ASB15: variants seen among roughly 807,000 people sequenced by gnomAD.
ASB15 encodes the protein ankyrin repeat and SOCS box containing 15.
In ASB15, 54 loss-of-function variants were observed where a neutral mutation model predicts 58.0. That is an observed-to-expected ratio of 0.93 (90% confidence interval 0.75 to 1.17). The LOEUF (loss-of-function observed/expected upper bound fraction) is 1.17, where lower values mean the gene tolerates loss of function less well. Among genes scored for constraint, ASB15 ranks in the 50% most tolerant of loss-of-function variants. The pLI is 0.00. For synonymous variants in ASB15, 249 were observed against 262.4 expected, an observed-to-expected ratio of 0.95 and a Z score of 0.50; for missense variants, 680 against 707.4, an observed-to-expected ratio of 0.96 and a Z score of 0.44.
intron 1 of ASB15, among the ~76,000 whole-genome samples, chr7:123,591,073 A>G (rs1276340554): frequency 6.6e-6 from 1 of 152,098 alleles, no homozygotes; most frequent in Admixed American, 6.6e-5. Flanking sequence ...TGTAAATGGG[A>G]GTTCACTCAT....
At chr7:123,585,396 G>GACACATT (rs1203639138) in intron 1 of ASB15, among the ~76,000 whole-genome samples, 1 of 151,636 alleles carries the variant, frequency 6.6e-6, no homozygotes, top group Non-Finnish European at 1.5e-5. Flanking sequence ...TCCTCAAACT[G>GACACATT]ACACATTACA....
intron 1 of ASB15, among the ~76,000 whole-genome samples, chr7:123,579,445 T>C (rs1228585696): frequency 6.6e-6 from 1 of 152,168 alleles, no homozygotes; most frequent in Non-Finnish European, 1.5e-5. Context: ...GTTCTATGAA[T>C]TCTTTTGTAT....
chr7:123,612,438 G>A (rs1432612759), intron 3 of ASB15: 1 of 152,210 alleles, frequency 6.6e-6, no homozygotes, highest in Admixed American at 6.5e-5. Flanking sequence ...CAGAATGAAT[G>A]AGTATAAACC....
At chr7:123,616,712 T>C (rs1200519652) in intron 6 of ASB15, among the ~76,000 whole-genome samples, 2 of 152,174 alleles carry the variant, frequency 1.3e-5, no homozygotes, top group Admixed American at 6.5e-5. Flanking sequence ...CTTTTACCTA[T>C]GAATGAGACA....
At chr7:123,625,731 G>T (rs1190812046) in intron 8 of ASB15, among the ~76,000 whole-genome samples, 1 of 152,102 alleles carries the variant, frequency 6.6e-6, no homozygotes, top group African/African-American at 2.4e-5. Context: ...CTCCTAAACT[G>T]GTTGAGCCAC....
intron 2 of ASB15, among the ~76,000 whole-genome samples, chr7:123,605,635 C>T (rs112999520): frequency 2.6e-5 from 4 of 152,134 alleles, no homozygotes; most frequent in Non-Finnish European, 5.9e-5. Context: ...TAATGTTGTA[C>T]GTATACACCA....
At chr7:123,589,303 T>C (rs1474170830) in intron 1 of ASB15, among the ~76,000 whole-genome samples, 1 of 140,488 alleles carries the variant, frequency 7.1e-6, no homozygotes, top group African/African-American at 3.0e-5. Flanking sequence ...TTCATCTCTT[T>C]ATTATTATTA....
chr7:123,617,751 T>A lies in ASB15; in HGVS notation c.451+14T>A. 2 of 1,592,134 alleles carry A rather than the reference T, an allele frequency of 1.3e-6. No individual in the cohort carries two copies. The highest frequency in any genetic ancestry group is 1.7e-6 in the Non-Finnish European group (2 of 1,165,832). The stretch of plus-strand genomic sequence containing the variant: ...CCCTTCTGATTGGTAAATGACCTTT[T>A]TTTCTAGAACTTTTATAGTTTGAAA... On this transcript the variant is annotated intron_variant, in intron 7 of 11. Coordinates refer to ENST00000451215, the MANE Select transcript of ASB15 (RefSeq NM_001290258.2).
intron 8 of ASB15, among the ~76,000 whole-genome samples, chr7:123,626,239 C>T (rs1801767137): frequency 6.6e-6 from 1 of 152,214 alleles, no homozygotes; most frequent in Admixed American, 6.5e-5. Flanking sequence ...CACCATGGCT[C>T]ATGCCTGTAA....
chr7:123,624,754 C>A lies in ASB15; in HGVS notation c.637C>A (p.Pro213Thr). Residue 213 changes from proline (P) to threonine (T), a missense_variant, in exon 8 of 12, where the codon CCA becomes ACA. By Grantham distance (38) the Pro-to-Thr change is conservative. Transcript: ENST00000451215. ...CCTGAGAGATGGATTTGGAGTCACA[C>A]CACTAGGCGTCGCTGCCGAGTATGG... The part of the protein sequence containing the change: ...VHLRDGFGVT[P>T]LGVAAEYGHC... 1 of 1,613,876 alleles carries A rather than the reference C, an allele frequency of 6.2e-7. No homozygotes were observed. The highest frequency in any genetic ancestry group is 8.5e-7 in the Non-Finnish European group (1 of 1,179,760).
exon 1 of ASB15, chr7:123,567,075 T>C (rs939067642): frequency 2.0e-5 from 3 of 152,244 alleles, no homozygotes; most frequent in Non-Finnish European, 2.9e-5. Context: ...TAGAGCTATT[T>C]GATCCTGACT....
rs1584832456 is a variant in ASB15, at chr7:123,637,552, A to C, written c.*571A>C. On this transcript the variant is annotated 3_prime_UTR_variant, in exon 12 of 12. Coordinates refer to ENST00000451215, the MANE Select transcript of ASB15 (RefSeq NM_001290258.2). ...ATATCTCTTTCCTTGTTTCTCGCAA[A>C]ACCTGTTCTCTTGGGTGTCCTCCCA... The C allele has an allele frequency of 6.6e-6, 1 of 152,266 alleles. No individual in the cohort carries two copies. Among genetic ancestry groups the C allele is most frequent in the Non-Finnish European group, 1.5e-5 (1 of 68,264 alleles). The allele number at this position is 152,266 out of a possible 1,614,324, so 9.4% of individuals were successfully genotyped here. A position where few individuals can be genotyped will look rare whatever the true frequency, so the allele number is the denominator to read the frequency against.
chr7:123,592,497 T>C (rs937685407), intron 1 of ASB15, among the ~76,000 whole-genome samples: 11 of 152,216 alleles, frequency 7.2e-5, no homozygotes, highest in African/African-American at 2.4e-4. Context: ...TTTGTTCTCA[T>C]TGATTTCAAA....
chr7:123,611,170 C>A (rs1026221032), intron 3 of ASB15, among the ~76,000 whole-genome samples: 1 of 151,498 alleles, frequency 6.6e-6, no homozygotes, highest in African/African-American at 2.4e-5. Flanking sequence ...TTAAAGATGT[C>A]AAAATATTGT....
Position 123,636,959 on chromosome 7 carries a change from G to A in ASB15, c.1745G>A (p.Gly582Glu). Residue 582 changes from glycine (G) to glutamate (E), a missense_variant, in exon 12 of 12, where the codon GGA (glycine) becomes GAA (glutamate). Transcript: ENST00000451215. ...TTATTTAAAGAGTATGATCTCTATG[G>A]ACAAGAGCTAAAATTGACATAACTT... ...YILFKEYDLY[G>E]QELKLT The A allele has an allele frequency of 6.5e-7, 1 of 1,548,632 alleles. No homozygotes were observed. The highest frequency in any genetic ancestry group is 8.8e-7 in the Non-Finnish European group (1 of 1,133,732).
chr7:123,605,635 C>G (rs112999520), intron 2 of ASB15, among the ~76,000 whole-genome samples: 7 of 152,134 alleles, frequency 4.6e-5, no homozygotes, highest in Admixed American at 6.5e-5. Flanking sequence ...TAATGTTGTA[C>G]GTATACACCA....
rs144548408 is a variant in ASB15, at chr7:123,579,533, TTCTC to T, written c.-443+12449_-443+12452del. Among the ~76,000 whole-genome samples the T allele has an allele frequency of 2.0e-3, 297 of 152,204 alleles. 1 individual carries two copies. Among genetic ancestry groups the T allele is most frequent in the African/African-American group, 2.8e-3 (117 of 41,560 alleles). On this transcript the variant is annotated intron_variant, in intron 1 of 13. Transcript: ENST00000451558. ...CCATGAAGAGTTGTTCTGATTTCTT[TTCTC>T]TCTATTATCTGCCCCACTGTAGCCT...
At position 123,617,781 on chromosome 7, in the gene ASB15, G is replaced by T. The variant is rs76164370; in HGVS notation, c.451+44G>T. On this transcript the variant is annotated intron_variant, in intron 7 of 11. Transcript: ENST00000451215. ...TAGAACTTTTATAGTTTGAAACAAA[G>T]AATAAGTATTTATTGGAAACCACTG... is the stretch of plus-strand genomic sequence containing the variant. 5,004 of 1,538,042 alleles carry T rather than the reference G, an allele frequency of 3.3e-3. 131 individuals are homozygous for T. In the African/African-American group the frequency reaches 0.06, roughly 18 times the overall value.
chr7:123,573,606 C>T (rs1397082137), intron 1 of ASB15, among the ~76,000 whole-genome samples: 2 of 152,074 alleles, frequency 1.3e-5, no homozygotes, highest in Non-Finnish European at 2.9e-5. Context: ...AGAGCTGTGA[C>T]CCTAGCAATC....
Sources: allele counts gnomAD v4.1 joint callset (sites outside exome capture counted in the v4.1 genomes callset), GRCh38; gene constraint gnomAD v4.1.1; transcripts MANE v1.5; gene names NCBI Gene and HGNC (gene_info 2026-07-23, HGNC 2026-07-21).